Variants in SIPA1L3 observed in about 807,000 individuals in gnomAD.
SIPA1L3 encodes the protein signal-induced proliferation-associated 1-like protein 3.
A neutral mutation model predicts 150.1 loss-of-function variants in SIPA1L3; 59 were observed. The ratio of observed to expected loss-of-function variants is 0.39; its 90% CI spans 0.32 to 0.49. SIPA1L3 has a LOEUF of 0.49. Ranked by LOEUF, SIPA1L3 falls within the 20% of genes least tolerant of loss-of-function variation. The probability of loss-of-function intolerance (pLI) is 0.86; values close to 1 mark genes in which losing one functional copy is unlikely to be tolerated. For synonymous variants in SIPA1L3, 1,070 were observed against 1,077.6 expected (o/e 0.99, Z 0.14); for missense variants, 2,211 against 2,489.5 (o/e 0.89, Z 2.38).
intron 1 of SIPA1L3, among the ~76,000 whole-genome samples, chr19:37,993,053 G>A (rs922884257): frequency 1.3e-5 from 2 of 152,210 alleles, no homozygotes; most frequent in Admixed American, 6.5e-5. Flanking sequence ...CCCAGTCACC[G>A]TTGGTTGTTC....
intron 1 of SIPA1L3, among the ~76,000 whole-genome samples, chr19:37,928,831 T>G (rs1459044714): frequency 6.6e-6 from 1 of 152,138 alleles, no homozygotes; most frequent in Non-Finnish European, 1.5e-5. Flanking sequence ...AAGAAGCCTG[T>G]AGGTAGGCAG....
At chr19:37,978,864 A>G (rs1251924966) in intron 1 of SIPA1L3, among the ~76,000 whole-genome samples, 1 of 151,676 alleles carries the variant, frequency 6.6e-6, no homozygotes, top group African/African-American at 2.4e-5. Flanking sequence ...AGTCCCAGTC[A>G]CTCGGGAGGC....
chr19:37,914,901 C>G (rs1233420454), intron 1 of SIPA1L3, among the ~76,000 whole-genome samples: 1 of 152,128 alleles, frequency 6.6e-6, no homozygotes, highest in Non-Finnish European at 1.5e-5. Flanking sequence ...CTCAGTTAAT[C>G]CTGACAGTAG....
intron 2 of SIPA1L3, among the ~76,000 whole-genome samples, chr19:38,071,055 T>C (rs1969703181): frequency 6.6e-6 from 1 of 152,126 alleles, no homozygotes; most frequent in African/African-American, 2.4e-5. Flanking sequence ...GCTTTCAGCT[T>C]CTTGGGCGTG....
At position 38,138,122 on chromosome 19, in the gene SIPA1L3, C is replaced by T. The variant is rs546345112; in HGVS notation, c.3144-3062C>T. On this transcript the variant is annotated intron_variant, in intron 10 of 21. Coordinates refer to ENST00000222345, the MANE Select transcript of SIPA1L3 (RefSeq NM_015073.3). The stretch of plus-strand genomic sequence containing the variant: ...CTCTAGCCTGGGCAACAGAGCCAGA[C>T]TCTGTCTCAAATAAAAAAAAAAAAT... Among the ~76,000 whole-genome samples, 4 of 151,664 alleles carry T rather than the reference C, an allele frequency of 2.6e-5. No homozygotes were observed. In the South Asian group the frequency reaches 8.4e-4, roughly 32 times the overall value.
chr19:37,928,119 T>A (rs1300876549), intron 1 of SIPA1L3, among the ~76,000 whole-genome samples: 1 of 152,134 alleles, frequency 6.6e-6, no homozygotes, highest in Non-Finnish European at 1.5e-5. Context: ...CTATTTTTAG[T>A]TCTTTGAGGA....
intron 1 of SIPA1L3, among the ~76,000 whole-genome samples, chr19:37,973,547 A>C (rs1966992925): frequency 8.0e-6 from 1 of 124,766 alleles, no homozygotes; most frequent in Non-Finnish European, 1.6e-5. Flanking sequence ...AAAAAAAAAA[A>C]AAAAAAAGCG....
At chr19:37,993,179 C>T (rs1967555506) in intron 1 of SIPA1L3, among the ~76,000 whole-genome samples, 1 of 152,118 alleles carries the variant, frequency 6.6e-6, no homozygotes, top group Admixed American at 6.5e-5. Context: ...TGACTTAGCC[C>T]CCTGCCCCTC....
chr19:38,111,390 C>T (rs1024875043), intron 8 of SIPA1L3, among the ~76,000 whole-genome samples: 5 of 152,118 alleles, frequency 3.3e-5, no homozygotes, highest in Non-Finnish European at 5.9e-5. Context: ...CTTCATATTC[C>T]ATTGTATGGA....
intron 1 of SIPA1L3, among the ~76,000 whole-genome samples, chr19:37,954,617 G>A (rs1346705606): frequency 6.6e-6 from 1 of 152,134 alleles, no homozygotes. Flanking sequence ...TATCTGTTAA[G>A]TTTCCGTAAA....
chr19:37,969,212 A>C (rs904463491), intron 1 of SIPA1L3, among the ~76,000 whole-genome samples: 14 of 146,458 alleles, frequency 9.6e-5, no homozygotes, highest in African/African-American at 3.5e-4. Context: ...CAGCCTGGGC[A>C]ATAAAGAGAG....
intron 13 of SIPA1L3, among the ~76,000 whole-genome samples, chr19:38,153,846 A>C (rs1971883124): frequency 6.6e-6 from 1 of 151,892 alleles, no homozygotes; most frequent in South Asian, 2.1e-4. Context: ...AGGCAGGAGA[A>C]TTGCTTGAAC....
intron 15 of SIPA1L3, among the ~76,000 whole-genome samples, chr19:38,175,655 G>A (rs1207485947): frequency 2.0e-5 from 3 of 152,158 alleles, no homozygotes; most frequent in Non-Finnish European, 4.4e-5. Flanking sequence ...CAGCTCCGCG[G>A]TTCCTCCTCA....
At chr19:38,176,975 AAAAC>A (rs201252631) in intron 15 of SIPA1L3, among the ~76,000 whole-genome samples, 5,525 of 151,862 alleles carry the variant, frequency 0.036, 162 homozygotes, top group Middle Eastern at 0.088. Flanking sequence ...CCGTCTCAAA[AAAAC>A]AAACAAACAA....
At chr19:38,012,759 C>G (rs1017315393) in intron 1 of SIPA1L3, among the ~76,000 whole-genome samples, 1 of 152,116 alleles carries the variant, frequency 6.6e-6, no homozygotes, top group Non-Finnish European at 1.5e-5. Context: ...CTGCCATTCT[C>G]GGGCCCTTGC....
At chr19:38,000,705 T>C (rs575173208) in intron 1 of SIPA1L3, among the ~76,000 whole-genome samples, 9 of 140,350 alleles carry the variant, frequency 6.4e-5, no homozygotes, top group African/African-American at 1.6e-4. Flanking sequence ...TCATGCTTGG[T>C]CATGCAAAAG....
At chr19:38,006,615 C>T (rs1967944982) in intron 1 of SIPA1L3, among the ~76,000 whole-genome samples, 1 of 152,194 alleles carries the variant, frequency 6.6e-6, no homozygotes. Flanking sequence ...CTACTTCGCA[C>T]CTCTCAGAAG....
chr19:38,026,160 G>A (rs1968505230), intron 1 of SIPA1L3, among the ~76,000 whole-genome samples: 2 of 152,206 alleles, frequency 1.3e-5, no homozygotes, highest in Admixed American at 1.3e-4. Flanking sequence ...AGGGCCTGGT[G>A]AGGTTGTCAG....
In SIPA1L3 at chr19:38,082,341, G is replaced by A. The variant is rs751263435; in HGVS notation, c.776G>A (p.Gly259Glu). 2.5e-6 allele frequency: 4 copies of A among 1,598,630 alleles called. No homozygotes were observed. The highest frequency in any genetic ancestry group is 3.4e-6 in the Non-Finnish European group (4 of 1,178,994). Residue 259 changes from glycine (G) to glutamate (E), a missense_variant, in exon 3 of 22, where the codon GGG (glycine) becomes GAG (glutamate). Physicochemically the swap from Gly to Glu is moderately conservative, Grantham distance 98. Around this residue, in one of 5 missense-constraint regions of SIPA1L3, gnomAD observed 587 missense variants for 534.5 expected, o/e 1.10. Coordinates refer to ENST00000222345, the MANE Select transcript of SIPA1L3 (RefSeq NM_015073.3). Reference protein sequence around the residue: ...HLMGGGGGAKGDSHNGQPAKD... With the variant: ...HLMGGGGGAKEDSHNGQPAKD... Reference sequence around the variant, plus strand: ...ATGGGGGGCGGCGGCGGAGCCAAGGGGGACTCCCACAACGGGCAGCCCGCC... The same window carrying A: ...ATGGGGGGCGGCGGCGGAGCCAAGGAGGACTCCCACAACGGGCAGCCCGCC...
Sources: allele counts gnomAD v4.1 joint callset (sites outside exome capture counted in the v4.1 genomes callset), GRCh38; gene constraint gnomAD v4.1.1; regional missense constraint gnomAD v4.1.1; transcripts MANE v1.5; gene names NCBI Gene and HGNC (gene_info 2026-07-23, HGNC 2026-07-21).